MKRN1: variants seen among roughly 807,000 people sequenced by gnomAD.
MKRN1 encodes E3 ubiquitin-protein ligase makorin-1.
MKRN1 carries 9 observed loss-of-function variants against 55.5 expected under a neutral mutation model. The ratio of observed to expected loss-of-function variants is 0.16; its 90% CI spans 0.10 to 0.28. The LOEUF is 0.28. Ranked by LOEUF, MKRN1 falls within the 10% of genes least tolerant of loss-of-function variation. MKRN1 has a pLI of 1.00. For synonymous variants in MKRN1, 253 were observed against 235.9 expected (o/e 1.07, Z -0.66); for missense variants, 488 against 626.7 (o/e 0.78, Z 2.36).
chr7:140,458,305 C>A (rs1210391034), intron 4 of MKRN1, among the ~76,000 whole-genome samples: 1 of 152,206 alleles, frequency 6.6e-6, no homozygotes, highest in East Asian at 1.9e-4. Context: ...TCTAGCCATA[C>A]AAAGACAATA....
chr7:140,477,403 C>T lies in MKRN1; in HGVS notation c.185+1757G>A, dbSNP rs1485385117. 3.9e-5 allele frequency among the ~76,000 whole-genome samples: 6 copies of T among 152,070 alleles called. No individual in the cohort carries two copies. In the South Asian group the frequency reaches 8.3e-4, roughly 21 times the overall value. On this transcript the variant is annotated intron_variant, in intron 1 of 7. Coordinates refer to ENST00000255977, the MANE Select transcript of MKRN1 (RefSeq NM_013446.4). ...GTGGTGTGATATTGGCTCACCGCAA[C>T]CTCTGCCTCCTGGGTTCAAGCAACT...
At chr7:140,472,578 C>T (rs1297758095) in intron 1 of MKRN1, among the ~76,000 whole-genome samples, 3 of 151,294 alleles carry the variant, frequency 2.0e-5, no homozygotes, top group African/African-American at 7.3e-5. Flanking sequence ...TTAGTAGAGA[C>T]AGGGTTTCAC....
At chr7:140,460,045 T>C in intron 2 of MKRN1, 109 bp from the exon 3 acceptor site, 1 of 942,170 alleles carries the variant, frequency 1.1e-6, no homozygotes, top group Non-Finnish European at 1.6e-6. Flanking sequence ...GGTTGGGAGT[T>C]CGAGACCAGC....
chr7:140,470,776 G>A (rs771235509), intron 2 of MKRN1, among the ~76,000 whole-genome samples: 12 of 151,926 alleles, frequency 7.9e-5, no homozygotes, highest in Non-Finnish European at 1.6e-4. Context: ...AATTAGCCGG[G>A]CATAGTGGCA....
intron 1 of MKRN1, 79 bp downstream of exon 1, chr7:140,479,081 C>T: frequency 9.7e-6 from 12 of 1,243,202 alleles, no homozygotes; most frequent in Non-Finnish European, 1.2e-5. Flanking sequence ...GCAGGCCGGC[C>T]GCCCTCCTCC....
At chr7:140,456,513 G>A in intron 5 of MKRN1, 139 bp downstream of exon 5, 2 of 1,454,008 alleles carry the variant, frequency 1.4e-6, no homozygotes, top group Non-Finnish European at 1.8e-6. Flanking sequence ...ATACAAAGAA[G>A]AAATCCCCAT....
chr7:140,479,268 G>C lies in MKRN1; in HGVS notation c.77C>G (p.Ala26Gly), dbSNP rs1353875469. ...GACTGTGGGGATCGGGGTGGGGGAG[G>C]CTGCTGCCGCCGTCGCCGCTGCCGC... Reference protein sequence around the residue: ...AGAAAATAAAASPTPIPTVTA... With the variant: ...AGAAAATAAAGSPTPIPTVTA... The change falls in exon 1 of 8, where the codon GCC (alanine) becomes GGC (glycine). Residue 26 changes from alanine to glycine, a missense_variant. Physicochemically the swap from Ala to Gly is moderately conservative, Grantham distance 60. Around this residue, in one of 2 missense-constraint regions of MKRN1, gnomAD observed 210 missense variants for 220.0 expected, o/e 0.95. Coordinates refer to ENST00000255977, the MANE Select transcript of MKRN1 (RefSeq NM_013446.4). 2.2e-6 allele frequency: 3 copies of C among 1,394,390 alleles called. No individual in the cohort carries two copies. Among genetic ancestry groups the C allele is most frequent in the Admixed American group, 3.7e-5 (1 of 27,144 alleles). The allele number at this position is 1,394,390 out of a possible 1,614,324, so 86.4% of individuals were successfully genotyped here.
intron 2 of MKRN1, among the ~76,000 whole-genome samples, chr7:140,462,747 G>A (rs753337639): frequency 1.4e-4 from 22 of 151,744 alleles, no homozygotes; most frequent in African/African-American, 4.8e-4. Context: ...GGTGGATCAC[G>A]AGGTCAGGAG....
At position 140,454,699 on chromosome 7, in the gene MKRN1, T is replaced by C; in HGVS notation, c.1267A>G (p.Ile423Val). The change falls in exon 8 of 8, where the codon ATT becomes GTT. Residue 423 changes from isoleucine (I) to valine (V), a missense_variant. Coordinates refer to ENST00000255977, the MANE Select transcript of MKRN1 (RefSeq NM_013446.4). ...AQRRNHFWEL[I>V]EERENSNPFD... The stretch of plus-strand genomic sequence containing the variant: ...GGGTTGCTGTTCTCTCTTTCCTCAA[T>C]GAGTTCCCAGAAGTGGTTCCTTCGT... 4.3e-6 allele frequency: 7 copies of C among 1,613,968 alleles called. No homozygotes were observed. The South Asian group carries it at 7.7e-5, about 18-fold the overall frequency.
At chr7:140,477,568 T>A (rs1212003687) in intron 1 of MKRN1, among the ~76,000 whole-genome samples, 1 of 152,122 alleles carries the variant, frequency 6.6e-6, no homozygotes, top group African/African-American at 2.4e-5. Context: ...GTGATCCACC[T>A]GCCTTGGCCT....
intron 2 of MKRN1, among the ~76,000 whole-genome samples, chr7:140,467,669 T>C (rs1794811734): frequency 6.6e-6 from 1 of 152,006 alleles, no homozygotes; most frequent in Non-Finnish European, 1.5e-5. Flanking sequence ...CTCAAACTAT[T>C]TGGGGCGGGC....
At chr7:140,462,700 C>A (rs1794657248) in intron 2 of MKRN1, among the ~76,000 whole-genome samples, 1 of 152,132 alleles carries the variant, frequency 6.6e-6, no homozygotes, top group African/African-American at 2.4e-5. Context: ...CGCAGTGGCT[C>A]ACGCCTGTAA....
rs542039727 is a variant in MKRN1 at position 140,479,261 on chromosome 7, G to T, written c.84C>A (p.Pro28=). ...AAAATAAAAS[P]TPIPTVTAPS... ...GGGCGGTGACTGTGGGGATCGGGGTGGGGGAGGCTGCTGCCGCCGTCGCCG... is the reference window on the plus strand; with the variant it reads ...GGGCGGTGACTGTGGGGATCGGGGTTGGGGAGGCTGCTGCCGCCGTCGCCG... Residue 28 remains proline (P), a synonymous_variant, in exon 1 of 8, where the codon CCC becomes CCA. Coordinates refer to ENST00000255977, the MANE Select transcript of MKRN1 (RefSeq NM_013446.4). 1,734 of 1,402,670 alleles carry T rather than the reference G, an allele frequency of 1.2e-3. 6 individuals carry two copies. The highest frequency in any genetic ancestry group is 2.5e-3 in the Middle Eastern group (10 of 3,990). The allele number at this position is 1,402,670 out of a possible 1,614,324, so 86.9% of individuals were successfully genotyped here.
At chr7:140,456,069 C>G (rs1276564985) in intron 5 of MKRN1, 169 bp from the exon 6 acceptor site, 1 of 968,418 alleles carries the variant, frequency 1.0e-6, no homozygotes, top group Non-Finnish European at 1.4e-6. Context: ...TTCTTTCAAG[C>G]AAGGCAACCT....
chr7:140,456,433 C>G (rs1263011831), intron 5 of MKRN1: 1 of 1,389,172 alleles, frequency 7.2e-7, no homozygotes, highest in Non-Finnish European at 9.3e-7. Context: ...CACGAAGATT[C>G]TAACTGATAC....
At chr7:140,476,125 G>A (rs1398006571) in intron 1 of MKRN1, among the ~76,000 whole-genome samples, 4 of 152,152 alleles carry the variant, frequency 2.6e-5, no homozygotes, top group African/African-American at 9.7e-5. Flanking sequence ...CAGGAGTGAT[G>A]TGCTATAGGG....
chr7:140,471,914 G>C lies in MKRN1; in HGVS notation c.283C>G (p.Arg95Gly). ...CGGTCTCCATAAATACAGTACCCTC[G>C]CTGAAAATACTTGCACACTACACTA... ...PYSVVCKYFQRGYCIYGDRCR... is the reference protein window; with the variant it reads ...PYSVVCKYFQGGYCIYGDRCR... The change falls in exon 2 of 8, where the codon CGA becomes GGA. Residue 95 changes from arginine to glycine, a missense_variant. Coordinates refer to ENST00000255977, the MANE Select transcript of MKRN1 (RefSeq NM_013446.4). The C allele has an allele frequency of 6.2e-7, 1 of 1,613,848 alleles. No individual in the cohort carries two copies. The highest frequency in any genetic ancestry group is 1.3e-5 in the African/African-American group (1 of 74,994).
chr7:140,472,414 CAG>C (rs1794955364), intron 1 of MKRN1: 1 of 162,048 alleles, frequency 6.2e-6, no homozygotes, highest in African/African-American at 2.4e-5. Flanking sequence ...GCCTGGGAGA[CAG>C]AGCAAGACTC....
chr7:140,458,630 A>T (rs1794533176), intron 4 of MKRN1, among the ~76,000 whole-genome samples: 1 of 152,218 alleles, frequency 6.6e-6, no homozygotes, highest in African/African-American at 2.4e-5. Flanking sequence ...TCAAAAGATT[A>T]AACATATTCA....
Sources: gnomAD v4.1 joint callset for allele counts (sites outside exome capture counted in the v4.1 genomes callset) on GRCh38, gnomAD v4.1.1 for gene constraint, gnomAD v4.1.1 regional missense constraint, MANE v1.5 for transcripts, NCBI Gene and HGNC (gene_info 2026-07-23, HGNC 2026-07-21) for gene names.